MORF4L1: variants seen among roughly 807,000 people sequenced by gnomAD.
The protein encoded by MORF4L1 is mortality factor 4-like protein 1.
MORF4L1 carries 4 observed loss-of-function variants against 52.9 expected under a neutral mutation model. The observed-to-expected ratio is 0.08, with a 90% CI of 0.04 to 0.17. The LOEUF (loss-of-function observed/expected upper bound fraction) is 0.17, where lower values mean the gene tolerates loss of function less well. Among genes scored for constraint, MORF4L1 ranks in the 10% least tolerant of loss-of-function variants. The probability of loss-of-function intolerance (pLI) is 1.00; values close to 1 mark genes in which losing one functional copy is unlikely to be tolerated. For missense variants in MORF4L1, 214 were observed against 390.4 expected, an observed-to-expected ratio of 0.55 and a Z score of 3.81; for synonymous variants, 123 against 134.8, an observed-to-expected ratio of 0.91 and a Z score of 0.61.
In MORF4L1 at chr15:78,893,480, G is replaced by A. The variant is rs77857072; in HGVS notation, c.541-59G>A. ...TGATCTTTGTATAAAAACTTGCCTGGTATGATTTTTCTTTAAAAAAGAGAG... is the reference window on the plus strand; with the variant it reads ...TGATCTTTGTATAAAAACTTGCCTGATATGATTTTTCTTTAAAAAAGAGAG... On this transcript the variant is annotated intron_variant, in intron 8 of 11. Transcript: ENST00000426013. 351 of 1,147,084 alleles carry A rather than the reference G, an allele frequency of 3.1e-4. 2 individuals carry two copies. In the East Asian group the frequency reaches 7.2e-3, roughly 24 times the overall value. The allele number at this position is 1,147,084 out of a possible 1,614,324, so 71.1% of individuals were successfully genotyped here. A position where few individuals can be genotyped will look rare whatever the true frequency, so the allele number is the denominator to read the frequency against.
At chr15:78,889,610 T>G (rs1567313278) in intron 5 of MORF4L1, among the ~76,000 whole-genome samples, 1 of 152,170 alleles carries the variant, frequency 6.6e-6, no homozygotes, top group Non-Finnish European at 1.5e-5. Context: ...TCTCTTGGTC[T>G]CCACATATTG....
At chr15:78,873,645 A>C (rs1263802349) in intron 1 of MORF4L1, 1 of 161,160 alleles carries the variant, frequency 6.2e-6, no homozygotes, top group Non-Finnish European at 1.4e-5. Context: ...TCGGTCCCGT[A>C]TGGAGGCACA....
chr15:78,881,493 CTT>C (rs923640210), intron 3 of MORF4L1, among the ~76,000 whole-genome samples: 5 of 14,918 alleles, frequency 3.4e-4, no homozygotes, highest in Admixed American at 1.0e-3. Context: ...ACTGCCCGGC[CTT>C]TTTGTGTGTG....
At chr15:78,874,322 T>C (rs2056436585) in intron 1 of MORF4L1, among the ~76,000 whole-genome samples, 1 of 152,132 alleles carries the variant, frequency 6.6e-6, no homozygotes, top group Admixed American at 6.5e-5. Context: ...GTACTGCGTA[T>C]TTTAAGTTTA....
At chr15:78,875,838 A>G (rs545971737) in intron 1 of MORF4L1, among the ~76,000 whole-genome samples, 45 of 152,328 alleles carry the variant, frequency 3.0e-4, no homozygotes, top group African/African-American at 1.1e-3. Flanking sequence ...TTGCAAGGGA[A>G]AAAGAATATT....
chr15:78,880,631 CACTG>C (rs751013353), intron 3 of MORF4L1, 52 bp downstream of exon 3: 29 of 1,333,174 alleles, frequency 2.2e-5, no homozygotes, highest in South Asian at 5.1e-5. Context: ...TAGCTTGTGT[CACTG>C]ACTGGCTTAG....
intron 3 of MORF4L1, among the ~76,000 whole-genome samples, chr15:78,882,611 C>T (rs2092903760): frequency 6.6e-6 from 1 of 151,992 alleles, no homozygotes; most frequent in African/African-American, 2.4e-5. Flanking sequence ...GATATTCTGA[C>T]AATATCCAGA....
Position 78,894,399 on chromosome 15 carries a change from G to A in MORF4L1, c.802+169G>A, listed in dbSNP as rs12050636. On this transcript the variant is annotated intron_variant, in intron 10 of 11. Coordinates refer to ENST00000426013, the MANE Select transcript of MORF4L1 (RefSeq NM_006791.4). Reference sequence around the variant, plus strand: ...TTTAGGAGCAAGAGTTTTAAAAATCGTGTATTTTATTTTATAATTTTTTTT... The same window carrying A: ...TTTAGGAGCAAGAGTTTTAAAAATCATGTATTTTATTTTATAATTTTTTTT... 64,697 of 507,400 alleles carry A rather than the reference G, an allele frequency of 0.13. 4,654 individuals are homozygous for A. Among genetic ancestry groups the A allele is most frequent in the East Asian group, 0.25 (7,202 of 28,422 alleles). The allele number at this position is 507,400 out of a possible 1,614,324, so 31.4% of individuals were successfully genotyped here.
At chr15:78,892,460 GAAC>G (rs1159930990) in intron 8 of MORF4L1, 147 bp downstream of exon 8, 1 of 510,092 alleles carries the variant, frequency 2.0e-6, no homozygotes, top group Non-Finnish European at 3.5e-6. Context: ...GAACACTTTA[GAAC>G]TACTACCAGA....
intron 3 of MORF4L1, 96 bp downstream of exon 3, chr15:78,880,675 T>A: frequency 1.2e-6 from 1 of 840,072 alleles, no homozygotes. Context: ...TCTGCAGTTT[T>A]AATGTAATAT....
chr15:78,879,155 G>A (rs2056551990), intron 2 of MORF4L1, among the ~76,000 whole-genome samples: 1 of 152,086 alleles, frequency 6.6e-6, no homozygotes, highest in South Asian at 2.1e-4. Flanking sequence ...AGGATTGCTT[G>A]AGCCCAGGAG....
At position 78,897,991 on chromosome 15, in the gene MORF4L1, T is replaced by C. The variant is rs2056917650; in HGVS notation, c.*924T>C. On this transcript the variant is annotated 3_prime_UTR_variant, in exon 12 of 12. Transcript: ENST00000426013. ...CTAAATTATTACTTACTCTGAGCAT[T>C]AATTAAGGGCATTTTCACCTGTGTA... The C allele has an allele frequency of 6.6e-6, 1 of 152,224 alleles. No homozygotes were observed. Among genetic ancestry groups the C allele is most frequent in the African/African-American group, 2.4e-5 (1 of 41,468 alleles). 9.4% of individuals were successfully genotyped at this position (152,224 alleles called of 1,614,324 possible). A position where few individuals can be genotyped will look rare whatever the true frequency, so the allele number is the denominator to read the frequency against.
chr15:78,873,811 T>C (rs540031360), intron 1 of MORF4L1: 1 of 152,384 alleles, frequency 6.6e-6, no homozygotes, highest in Non-Finnish European at 1.5e-5. Flanking sequence ...CTGCTATTCT[T>C]GGGCGCAGTG....
intron 4 of MORF4L1, among the ~76,000 whole-genome samples, chr15:78,886,909 C>T (rs1032118837): frequency 2.7e-5 from 4 of 149,466 alleles, no homozygotes; most frequent in Admixed American, 1.3e-4. Flanking sequence ...GAGCGGAGAT[C>T]GCGCCACTGC....
intron 8 of MORF4L1, chr15:78,892,534 G>C (rs1203448295): frequency 2.0e-5 from 8 of 397,052 alleles, no homozygotes; most frequent in Non-Finnish European, 9.0e-6. Flanking sequence ...AATGATAAAG[G>C]TGGAAATAAC....
At chr15:78,880,833 A>G (rs896443334) in intron 3 of MORF4L1, among the ~76,000 whole-genome samples, 1 of 150,448 alleles carries the variant, frequency 6.6e-6, no homozygotes, top group East Asian at 1.9e-4. Flanking sequence ...ATAGTCAATC[A>G]ATTATTCTGG....
At chr15:78,874,039 A>C (rs2056428906) in intron 1 of MORF4L1, 1 of 152,192 alleles carries the variant, frequency 6.6e-6, no homozygotes, top group Non-Finnish European at 1.5e-5. Context: ...GATTGACATG[A>C]GTTTTGGGTA....
intron 5 of MORF4L1, among the ~76,000 whole-genome samples, chr15:78,888,487 CAA>C (rs2056744603): frequency 6.6e-6 from 1 of 151,582 alleles, no homozygotes; most frequent in African/African-American, 2.4e-5. Flanking sequence ...AAGTGGATGA[CAA>C]GAGTGGTAAC....
At position 78,896,308 on chromosome 15, in the gene MORF4L1, CTTTTTTTTTTTTTTT is replaced by C. The variant is rs71148578; in HGVS notation, c.888-666_888-652del. On this transcript the variant is annotated intron_variant, in intron 11 of 11. Coordinates refer to ENST00000426013, the MANE Select transcript of MORF4L1 (RefSeq NM_006791.4). ...ATTTTTTTCTTTTTTCTTTTCTTTT[CTTTTTTTTTTTTTTT>C]TTTTTTTTGAGATGGAGTTTCACGC... is the stretch of plus-strand genomic sequence containing the variant. Among the ~76,000 whole-genome samples, 300 of 81,468 alleles carry C rather than the reference CTTTTTTTTTTTTTTT, an allele frequency of 3.7e-3. 3 individuals are homozygous for C. Among genetic ancestry groups the C allele is most frequent in the African/African-American group, 0.014 (286 of 20,122 alleles). The allele number at this position is 81,468 out of a possible 152,430, so 53.4% of individuals were successfully genotyped here.
Sources: gnomAD v4.1 joint callset for allele counts (sites outside exome capture counted in the v4.1 genomes callset) on GRCh38, gnomAD v4.1.1 for gene constraint, MANE v1.5 for transcripts, NCBI Gene and HGNC (gene_info 2026-07-23, HGNC 2026-07-21) for gene names.